The following PLEKHH2 variants were observed in gnomAD, a reference collection of about 807,000 sequenced individuals.
The protein encoded by PLEKHH2 is pleckstrin homology, MyTH4 and FERM domain containing H2, also known as pleckstrin homology domain-containing family H member 2.
A neutral mutation model predicts 187.9 loss-of-function variants in PLEKHH2; 129 were observed. The ratio of observed to expected loss-of-function variants is 0.69; its 90% CI spans 0.59 to 0.79. The LOEUF (loss-of-function observed/expected upper bound fraction) is 0.79, where lower values mean the gene tolerates loss of function less well. Ranked by LOEUF, PLEKHH2 falls within the 30% of genes least tolerant of loss-of-function variation. The pLI is 0.00. For missense variants in PLEKHH2, 2,076 were observed against 1,751.2 expected (o/e 1.19, Z -3.31); for synonymous variants, 686 against 605.6 (o/e 1.13, Z -1.95).
At position 43,720,772 on chromosome 2, in the gene PLEKHH2, C is replaced by G. The variant is rs767263347; in HGVS notation, c.2541+23C>G. The G allele has an allele frequency of 1.8e-5, 29 of 1,585,276 alleles. No homozygotes were observed. The East Asian group carries it at 6.1e-4, about 34-fold the overall frequency. The stretch of plus-strand genomic sequence containing the variant: ...AAGGTATGTATGTATTTTTAATATG[C>G]CAATTGAAGTAACTTTTTGTGTGTT... On this transcript the variant is annotated intron_variant, in intron 16 of 29. Transcript: ENST00000282406.
At chr2:43,737,693 C>T (rs1276299360) in intron 19 of PLEKHH2, among the ~76,000 whole-genome samples, 1 of 152,190 alleles carries the variant, frequency 6.6e-6, no homozygotes, top group African/African-American at 2.4e-5. Flanking sequence ...AGCTACCTTC[C>T]CCAGAGGAAA....
intron 3 of PLEKHH2, among the ~76,000 whole-genome samples, chr2:43,686,348 C>T (rs1354647884): frequency 6.6e-6 from 1 of 152,168 alleles, no homozygotes; most frequent in African/African-American, 2.4e-5. Context: ...AGGTGCATGC[C>T]ACCACACCTG....
At chr2:43,740,873 C>T in intron 20 of PLEKHH2, 73 bp from the exon 21 acceptor site, 3 of 1,574,968 alleles carry the variant, frequency 1.9e-6, no homozygotes, top group East Asian at 4.5e-5. Flanking sequence ...TGTCATCAGC[C>T]CATTGCACTC....
chr2:43,723,875 G>A (rs541746476), intron 16 of PLEKHH2, among the ~76,000 whole-genome samples: 116 of 152,188 alleles, frequency 7.6e-4, no homozygotes, highest in Non-Finnish European at 1.4e-3. Context: ...GAGGGAATAA[G>A]GAGGAGATGG....
intron 6 of PLEKHH2, 68 bp downstream of exon 6, chr2:43,695,292 T>C (rs534418099): frequency 3.2e-5 from 26 of 824,506 alleles, no homozygotes; most frequent in Non-Finnish European, 4.6e-5. Flanking sequence ...CTTTTTTTGA[T>C]GTTTTAAAGA....
chr2:43,648,234 G>A (rs1666279371), intron 2 of PLEKHH2, among the ~76,000 whole-genome samples: 1 of 152,092 alleles, frequency 6.6e-6, no homozygotes, highest in Non-Finnish European at 1.5e-5. Context: ...TGCTGCCCAG[G>A]TTGGAGTGCA....
At chr2:43,746,039 C>G in intron 24 of PLEKHH2, 76 bp downstream of exon 24, 1 of 825,394 alleles carries the variant, frequency 1.2e-6, no homozygotes, top group Non-Finnish European at 1.8e-6. Context: ...ATTTACCTTT[C>G]TATTGAATGC....
At chr2:43,703,669 T>C (rs1275876209) in intron 8 of PLEKHH2, among the ~76,000 whole-genome samples, 1 of 152,146 alleles carries the variant, frequency 6.6e-6, no homozygotes, top group African/African-American at 2.4e-5. Context: ...AAAGGTGGTG[T>C]TTATGTGTAG....
intron 3 of PLEKHH2, among the ~76,000 whole-genome samples, chr2:43,691,190 T>A (rs1418676914): frequency 6.6e-6 from 1 of 152,228 alleles, no homozygotes; most frequent in Non-Finnish European, 1.5e-5. Flanking sequence ...ACATCTGGGT[T>A]CTTGTCTCAC....
At chr2:43,659,314 T>C (rs1251320539) in intron 2 of PLEKHH2, among the ~76,000 whole-genome samples, 1 of 151,954 alleles carries the variant, frequency 6.6e-6, no homozygotes, top group East Asian at 1.9e-4. Context: ...TAAACTGGTT[T>C]ATTTTCTCGC....
At chr2:43,667,062 G>T (rs1357586803) in intron 2 of PLEKHH2, among the ~76,000 whole-genome samples, 1 of 152,032 alleles carries the variant, frequency 6.6e-6, no homozygotes. Flanking sequence ...CATGCTTTTA[G>T]TATCCTTTCT....
At chr2:43,746,617 ATT>A (rs1671788230) in intron 24 of PLEKHH2, among the ~76,000 whole-genome samples, 1 of 152,196 alleles carries the variant, frequency 6.6e-6, no homozygotes, top group Non-Finnish European at 1.5e-5. Context: ...ACAAGGATGC[ATT>A]TTTCACTTTC....
chr2:43,735,152 T>G (rs984374009), intron 19 of PLEKHH2, among the ~76,000 whole-genome samples: 1 of 152,016 alleles, frequency 6.6e-6, no homozygotes, highest in Non-Finnish European at 1.5e-5. Context: ...AGTGTGCCAC[T>G]GCACTCCAGC....
chr2:43,643,089 C>T (rs1296865627), intron 1 of PLEKHH2, among the ~76,000 whole-genome samples: 1 of 152,086 alleles, frequency 6.6e-6, no homozygotes, highest in East Asian at 1.9e-4. Flanking sequence ...GAACTGTGAA[C>T]GTGTTTGTGA....
In PLEKHH2 at chr2:43,707,447, G is replaced by A. The variant is rs372149196; in HGVS notation, c.1868G>A (p.Gly623Glu). Residue 623 changes from glycine (G) to glutamate (E), a missense_variant, in exon 11 of 30, where the codon GGG becomes GAG. By Grantham distance (98) the Gly-to-Glu change is moderately conservative (BLOSUM62 -2). Transcript: ENST00000282406. The part of the protein sequence containing the change: ...SSSPFLDDSS[G>E]SEEEDSSRSS... ...AGCCCTTTCCTGGATGACTCATCTG[G>A]GTCAGAGGAAGAAGACAGCTCCAGA... is the stretch of plus-strand genomic sequence containing the variant. The A allele has an allele frequency of 3.1e-6, 5 of 1,613,968 alleles. No homozygotes were observed. In the African/African-American group the frequency reaches 5.3e-5, roughly 17 times the overall value.
chr2:43,700,539 C>G lies in PLEKHH2; in HGVS notation c.1581C>G (p.His527Gln), dbSNP rs548806435. 2.6e-5 allele frequency: 42 copies of G among 1,613,826 alleles called. No individual in the cohort carries two copies. The South Asian group carries it at 4.2e-4, about 16-fold the overall frequency. Reference sequence around the variant, plus strand: ...CTCCAAATTCAGATGACCAGGAACACTGTGACTCAGCAAAGAAGGTGGCAT... The same window carrying G: ...CTCCAAATTCAGATGACCAGGAACAGTGTGACTCAGCAAAGAAGGTGGCAT... ...LDSPNSDDQE[H>Q]CDSAKKVAYS... is the part of the protein sequence containing the mutation. Residue 527 changes from histidine to glutamine, a missense_variant, in exon 8 of 30, where the codon CAC becomes CAG. His to Gln is a conservative substitution (Grantham distance 24). Transcript: ENST00000282406.
intron 24 of PLEKHH2, among the ~76,000 whole-genome samples, chr2:43,752,060 A>G (rs1386214257): frequency 6.6e-6 from 1 of 151,924 alleles, no homozygotes; most frequent in South Asian, 2.1e-4. Flanking sequence ...CCCCTTAGCC[A>G]TATTACCAAA....
chr2:43,694,912 G>C (rs1208985204), intron 5 of PLEKHH2, among the ~76,000 whole-genome samples: 3 of 151,852 alleles, frequency 2.0e-5, no homozygotes, highest in Non-Finnish European at 4.4e-5. Context: ...AGGCATAAGG[G>C]GTGAAAACAT....
At chr2:43,738,732 A>G (rs2104588776) in intron 20 of PLEKHH2, among the ~76,000 whole-genome samples, 1 of 152,272 alleles carries the variant, frequency 6.6e-6, no homozygotes, top group Non-Finnish European at 1.5e-5. Context: ...ACAGTTTTTT[A>G]TATTGCTGGA....
Sources: gnomAD v4.1 joint callset for allele counts (sites outside exome capture counted in the v4.1 genomes callset) on GRCh38, gnomAD v4.1.1 for gene constraint, MANE v1.5 for transcripts, NCBI Gene and HGNC (gene_info 2026-07-23, HGNC 2026-07-21) for gene names.